The following LRRC75B variants were observed in gnomAD, a reference collection of about 807,000 sequenced individuals.
LRRC75B encodes leucine-rich repeat-containing protein 75B.
LRRC75B carries 20 observed loss-of-function variants against 16.5 expected under a neutral mutation model. The ratio of observed to expected loss-of-function variants is 1.21; its 90% confidence interval spans 0.85 to 1.76. The LOEUF is 1.76. Among genes scored for constraint, LRRC75B ranks in the 40% most tolerant of loss-of-function variants. The pLI, the probability that LRRC75B is intolerant of heterozygous loss-of-function variation, is 0.00. For synonymous variants in LRRC75B, 199 were observed against 198.1 expected, an observed-to-expected ratio of 1.00 and a Z score of -0.04; for missense variants, 406 against 417.0, an observed-to-expected ratio of 0.97 and a Z score of 0.23.
intron 2 of LRRC75B, chr22:24,589,491 GTC>G (rs1391159752): frequency 2.1e-5 from 12 of 584,864 alleles, no homozygotes; most frequent in Non-Finnish European, 2.8e-5. Flanking sequence ...TCTCAGAACA[GTC>G]TGTGACCCGC....
chr22:24,592,582 C>G (rs2045603474), intron 1 of LRRC75B: 2 of 483,828 alleles, frequency 4.1e-6, no homozygotes, highest in Non-Finnish European at 7.5e-6. Flanking sequence ...CAACCCCTCT[C>G]AAACCCCAAA....
chr22:24,586,895 T>G (rs908237995), intron 3 of LRRC75B, among the ~76,000 whole-genome samples: 1 of 152,230 alleles, frequency 6.6e-6, no homozygotes, highest in African/African-American at 2.4e-5. Flanking sequence ...TCCCCTTTGG[T>G]GAAAATGGGA....
intron 3 of LRRC75B, among the ~76,000 whole-genome samples, chr22:24,587,608 G>A (rs1344759790): frequency 1.3e-5 from 2 of 152,138 alleles, no homozygotes; most frequent in Admixed American, 6.5e-5. Context: ...GGCCAGCTCT[G>A]GACTGAGCCT....
Position 24,589,872 on chromosome 22 carries a change from G to A in LRRC75B, c.255C>T (p.Ile85=). 2.5e-6 allele frequency: 4 copies of A among 1,613,908 alleles called. No individual in the cohort carries two copies. Among genetic ancestry groups the A allele is most frequent in the Non-Finnish European group, 2.5e-6 (3 of 1,179,932 alleles). ...DVAFLNPVDP[I]SHDLLVNLAR... is the part of the protein sequence containing the mutation. ...CCAGGTTCACAAGCAGGTCATGGGA[G>A]ATGGGGTCGACCGGGTTGAGGAAGG... The change falls in exon 2 of 4, where the codon ATC becomes ATT. Residue 85 remains isoleucine (I), a synonymous_variant. Transcript: ENST00000318753.
In LRRC75B at chr22:24,592,479, C is replaced by T. The variant is rs570750831; in HGVS notation, c.177+384G>A. ...TGTCTCTCAATACAAGATGATTTGA[C>T]CTCACTTGCCACTCCTCCCGGGCCC... On this transcript the variant is annotated intron_variant, in intron 1 of 3. Transcript: ENST00000318753. The T allele has an allele frequency of 2.0e-5, 9 of 457,274 alleles. No individual in the cohort carries two copies. In the East Asian group the frequency reaches 4.8e-4, roughly 24 times the overall value. The allele number at this position is 457,274 out of a possible 1,614,324, so 28.3% of individuals were successfully genotyped here.
intron 3 of LRRC75B, among the ~76,000 whole-genome samples, chr22:24,587,826 G>A (rs892320053): frequency 6.6e-6 from 1 of 152,138 alleles, no homozygotes; most frequent in African/African-American, 2.4e-5. Context: ...CCTCTAAAAT[G>A]AGAATCGCGA....
intron 2 of LRRC75B, chr22:24,588,991 A>G: frequency 9.9e-7 from 1 of 1,011,474 alleles, no homozygotes; most frequent in African/African-American, 1.7e-5. Context: ...TCCCTCTGTG[A>G]GCAGCCCCAG....
chr22:24,587,226 C>T (rs1448395567), intron 3 of LRRC75B, among the ~76,000 whole-genome samples: 2 of 152,142 alleles, frequency 1.3e-5, no homozygotes, highest in South Asian at 2.1e-4. Context: ...TAGAGAGGGA[C>T]AGGCCCACAG....
In LRRC75B at chr22:24,586,342, C is replaced by A; in HGVS notation, c.492G>T (p.Ser164=). ...GTGTGATGTGTTGCACGTCCTGTGT[C>A]GACAGCGGGATGCCTGAGAGGTCCA... is the stretch of plus-strand genomic sequence containing the variant. ...ETVDLSGIPL[S]TQDVQHITRY... is the part of the protein sequence containing the mutation. The change falls in exon 4 of 4, where the codon TCG becomes TCT. Residue 164 remains serine, a synonymous_variant. Transcript: ENST00000318753. The A allele has an allele frequency of 6.2e-7, 1 of 1,613,914 alleles. No individual in the cohort carries two copies. Among genetic ancestry groups the A allele is most frequent in the South Asian group, 1.1e-5 (1 of 91,086 alleles).
chr22:24,592,248 A>C, intron 1 of LRRC75B: 1 of 461,408 alleles, frequency 2.2e-6, no homozygotes, highest in South Asian at 1.6e-5. Context: ...CCACCACCGG[A>C]CCGAGTGTTG....
chr22:24,591,248 T>C (rs1021675995), intron 1 of LRRC75B, among the ~76,000 whole-genome samples: 1 of 152,180 alleles, frequency 6.6e-6, no homozygotes, highest in African/African-American at 2.4e-5. Flanking sequence ...CCCAGCTAAT[T>C]TTGTATTTTT....
At chr22:24,588,626 C>G (rs2045474009) in intron 2 of LRRC75B, 1 of 1,083,682 alleles carries the variant, frequency 9.2e-7, no homozygotes, top group African/African-American at 1.6e-5. Context: ...GGGCCAGCGT[C>G]TCGGGCTATC....
chr22:24,591,337 C>T (rs964610110), intron 1 of LRRC75B, among the ~76,000 whole-genome samples: 1 of 152,212 alleles, frequency 6.6e-6, no homozygotes, highest in African/African-American at 2.4e-5. Flanking sequence ...CCTCAGCCTC[C>T]CAAAGTGCTG....
At chr22:24,588,008 G>A (rs543253133) in intron 3 of LRRC75B, among the ~76,000 whole-genome samples, 211 of 152,272 alleles carry the variant, frequency 1.4e-3, no homozygotes, top group Non-Finnish European at 2.2e-3. Context: ...AATGCCAAAC[G>A]GGTCACTCAG....
intron 2 of LRRC75B, 161 bp from the exon 3 acceptor site, chr22:24,588,490 C>T (rs570273737): frequency 3.2e-5 from 24 of 757,620 alleles, no homozygotes; most frequent in Middle Eastern, 7.7e-4. Context: ...CCCCCCAACC[C>T]GGCTGTGGCC....
At chr22:24,591,687 C>T (rs1412162630) in intron 1 of LRRC75B, among the ~76,000 whole-genome samples, 1 of 152,226 alleles carries the variant, frequency 6.6e-6, no homozygotes, top group Non-Finnish European at 1.5e-5. Context: ...GTCTTGGACT[C>T]CAGGCAGCAT....
rs773442492 is a variant in LRRC75B at position 24,586,099 on chromosome 22, G to A, written c.735C>T (p.Asp245=). The change falls in exon 4 of 4, where the codon GAC becomes GAT. Residue 245 remains aspartate, a synonymous_variant. Transcript: ENST00000318753. The part of the protein sequence containing the change: ...TTKFPALAWV[D]LGNNVDVASL... ...AAGCCACATCCACGTTGTTGCCCAG[G>A]TCCACCCAAGCCAAAGCAGGGAACT... is the stretch of plus-strand genomic sequence containing the variant. 2.5e-6 allele frequency: 4 copies of A among 1,612,572 alleles called. No individual in the cohort carries two copies. Among genetic ancestry groups the A allele is most frequent in the Non-Finnish European group, 2.5e-6 (3 of 1,179,968 alleles).
intron 3 of LRRC75B, among the ~76,000 whole-genome samples, 160 bp downstream of exon 3, chr22:24,588,054 C>G (rs1031083427): frequency 2.6e-5 from 4 of 152,126 alleles, no homozygotes; most frequent in African/African-American, 9.7e-5. Flanking sequence ...TCTGCTACCA[C>G]GGGCCAGGCT....
intron 3 of LRRC75B, 79 bp downstream of exon 3, chr22:24,588,135 T>G: frequency 8.9e-7 from 1 of 1,121,566 alleles, no homozygotes; most frequent in Non-Finnish European, 1.3e-6. Context: ...CACCAGCCTC[T>G]TGGTGAGAGT....
Sources: gnomAD v4.1 joint callset for allele counts (sites outside exome capture counted in the v4.1 genomes callset) on GRCh38, gnomAD v4.1.1 for gene constraint, MANE v1.5 for transcripts, NCBI Gene and HGNC (gene_info 2026-07-23, HGNC 2026-07-21) for gene names.